Variants in TGFA observed in about 807,000 individuals in gnomAD.
The protein encoded by TGFA is transforming growth factor alpha, also known as protransforming growth factor alpha.
In TGFA, 12 loss-of-function variants were observed where a neutral mutation model predicts 21.7. That is an observed-to-expected ratio of 0.55 (90% CI 0.35 to 0.90). The LOEUF is 0.90. TGFA is among the 40% of genes least tolerant of loss of function. TGFA has a pLI of 0.01. For missense variants in TGFA, 178 were observed against 210.8 expected (o/e 0.84, Z 0.96); for synonymous variants, 79 against 88.1 (o/e 0.90, Z 0.58).
At chr2:70,540,944 T>C (rs1431365724) in intron 1 of TGFA, among the ~76,000 whole-genome samples, 1 of 152,170 alleles carries the variant, frequency 6.6e-6, no homozygotes, top group Non-Finnish European at 1.5e-5. Flanking sequence ...TAAAATGAGA[T>C]ACCATTTTGC....
rs183613576 is a variant in TGFA at position 70,508,432 on chromosome 2, C to T, written c.94+6427G>A. 8.6e-4 allele frequency among the ~76,000 whole-genome samples: 130 copies of T among 152,032 alleles called. 1 individual carries two copies. Among genetic ancestry groups the T allele is most frequent in the Middle Eastern group, 3.4e-3 (1 of 294 alleles). ...TGCACGCTAGCCTGGGTGACAAGAG[C>T]AAAACTCCATCTCAAAACAAACAAA... On this transcript the variant is annotated intron_variant, in intron 2 of 5. Transcript: ENST00000295400.
At chr2:70,485,115 A>G (rs570791988) in intron 2 of TGFA, among the ~76,000 whole-genome samples, 2 of 152,316 alleles carry the variant, frequency 1.3e-5, no homozygotes, top group South Asian at 4.1e-4. Context: ...AGTGAGCTAT[A>G]AATCTGTAGT....
chr2:70,489,726 T>C (rs1276441384), intron 2 of TGFA, among the ~76,000 whole-genome samples: 1 of 152,216 alleles, frequency 6.6e-6, no homozygotes, highest in African/African-American at 2.4e-5. Context: ...GGTCTAGCTA[T>C]AGGTTCTCTT....
Position 70,508,944 on chromosome 2 carries a change from T to G in TGFA, c.94+5915A>C, listed in dbSNP as rs76284275. ...TGAGCAGCTTTTGCTCAAAAAGCAC[T>G]GACCCAGCACAATTTCCTTTGCAAA... On this transcript the variant is annotated intron_variant, in intron 2 of 5. Coordinates refer to ENST00000295400, the MANE Select transcript of TGFA (RefSeq NM_003236.4). Among the ~76,000 whole-genome samples, 410 of 152,320 alleles carry G rather than the reference T, an allele frequency of 2.7e-3. 1 individual carries two copies. The highest frequency in any genetic ancestry group is 9.5e-3 in the African/African-American group (396 of 41,570).
chr2:70,493,378 T>C (rs1255936914), intron 2 of TGFA, among the ~76,000 whole-genome samples: 1 of 152,198 alleles, frequency 6.6e-6, no homozygotes, highest in Non-Finnish European at 1.5e-5. Flanking sequence ...ATTCTGTATG[T>C]ACAAAATTTT....
intron 3 of TGFA, among the ~76,000 whole-genome samples, chr2:70,464,664 A>G (rs1191740614): frequency 2.6e-5 from 4 of 152,176 alleles, no homozygotes; most frequent in African/African-American, 7.2e-5. Context: ...GGTCCCCCTA[A>G]TAGTATTCTA....
intron 3 of TGFA, among the ~76,000 whole-genome samples, chr2:70,461,190 T>G (rs890568754): frequency 7.9e-5 from 12 of 152,180 alleles, no homozygotes; most frequent in Non-Finnish European, 2.9e-5. Flanking sequence ...TGACCTCCCA[T>G]CCATGCCTTT....
intron 2 of TGFA, among the ~76,000 whole-genome samples, chr2:70,471,853 A>G (rs545366701): frequency 1.3e-5 from 2 of 152,124 alleles, no homozygotes; most frequent in African/African-American, 2.4e-5. Flanking sequence ...TTAGAGTACC[A>G]TCTCCTCCTT....
intron 1 of TGFA, among the ~76,000 whole-genome samples, chr2:70,549,917 A>G (rs1673434825): frequency 6.6e-6 from 1 of 152,260 alleles, no homozygotes; most frequent in African/African-American, 2.4e-5. Flanking sequence ...GCTTCCATAT[A>G]CAGCTTTACA....
chr2:70,477,103 A>T (rs1670960057), intron 2 of TGFA, among the ~76,000 whole-genome samples: 1 of 152,214 alleles, frequency 6.6e-6, no homozygotes, highest in African/African-American at 2.4e-5. Context: ...ACCAATTTTT[A>T]TTGTTAGTGT....
chr2:70,547,755 G>T (rs1258213552), intron 1 of TGFA, among the ~76,000 whole-genome samples: 2 of 126,772 alleles, frequency 1.6e-5, no homozygotes, highest in African/African-American at 5.5e-5. Flanking sequence ...TATATAGATA[G>T]TATACTATAT....
Position 70,450,154 on chromosome 2 carries a change from A to C in TGFA, c.*705T>G, listed in dbSNP as rs1382031795. The C allele has an allele frequency of 6.6e-6, 1 of 152,248 alleles. No individual in the cohort carries two copies. The highest frequency in any genetic ancestry group is 1.5e-5 in the Non-Finnish European group (1 of 68,060). The allele number at this position is 152,248 out of a possible 1,614,324, so 9.4% of individuals were successfully genotyped here. Reference sequence around the variant, plus strand: ...TAATCAGTATAGCTTTTCAGTCAGCAACACATACATCATTAATGTAGAAGT... The same window carrying C: ...TAATCAGTATAGCTTTTCAGTCAGCCACACATACATCATTAATGTAGAAGT... On this transcript the variant is annotated 3_prime_UTR_variant, in exon 6 of 6. Coordinates refer to ENST00000295400, the MANE Select transcript of TGFA (RefSeq NM_003236.4).
At chr2:70,464,880 C>T (rs1670504100) in intron 3 of TGFA, among the ~76,000 whole-genome samples, 1 of 152,180 alleles carries the variant, frequency 6.6e-6, no homozygotes, top group South Asian at 2.1e-4. Flanking sequence ...TCTCTACTCC[C>T]CCTAACTGGT....
At chr2:70,523,287 G>A (rs1672532873) in intron 1 of TGFA, among the ~76,000 whole-genome samples, 4 of 152,206 alleles carry the variant, frequency 2.6e-5, no homozygotes, top group Admixed American at 2.6e-4. Flanking sequence ...ATCCCAAGGA[G>A]GCTAAGACAG....
intron 1 of TGFA, among the ~76,000 whole-genome samples, chr2:70,543,089 G>A (rs1673182935): frequency 6.6e-6 from 1 of 152,022 alleles, no homozygotes; most frequent in Non-Finnish European, 1.5e-5. Flanking sequence ...GGTAACAAGA[G>A]TGAAACTCCA....
At chr2:70,511,890 TACACACACACACACAC>T (rs36084203) in intron 2 of TGFA, among the ~76,000 whole-genome samples, 2 of 142,944 alleles carry the variant, frequency 1.4e-5, no homozygotes, top group Admixed American at 7.0e-5. Flanking sequence ...TAGTCATGAA[TACACACACACACACAC>T]ACACACACAC....
At chr2:70,520,527 T>A (rs1672414556) in intron 1 of TGFA, among the ~76,000 whole-genome samples, 2 of 151,718 alleles carry the variant, frequency 1.3e-5, no homozygotes, top group Non-Finnish European at 1.5e-5. Flanking sequence ...AAAAAAAAAA[T>A]TGTTATTTAC....
intron 4 of TGFA, 123 bp downstream of exon 4, chr2:70,456,216 A>C: frequency 7.6e-7 from 1 of 1,312,924 alleles, no homozygotes; most frequent in Non-Finnish European, 1.0e-6. Flanking sequence ...AGCTTTCCTG[A>C]CAGCACTCAG....
chr2:70,478,953 G>A (rs914998128), intron 2 of TGFA, among the ~76,000 whole-genome samples: 1 of 152,020 alleles, frequency 6.6e-6, no homozygotes, highest in African/African-American at 2.4e-5. Context: ...AATTTGATGT[G>A]TCATTTGATA....
Sources: allele counts gnomAD v4.1 joint callset (sites outside exome capture counted in the v4.1 genomes callset), GRCh38; gene constraint gnomAD v4.1.1; transcripts MANE v1.5; gene names NCBI Gene and HGNC (gene_info 2026-07-23, HGNC 2026-07-21).